The following SLC25A48 variants were observed in gnomAD, a reference collection of about 807,000 sequenced individuals.
The protein encoded by SLC25A48 is CTC-321K16.1.
SLC25A48 carries 29 observed loss-of-function variants against 32.2 expected under a neutral mutation model. The ratio of observed to expected loss-of-function variants is 0.90; its 90% CI spans 0.67 to 1.23. The LOEUF (loss-of-function observed/expected upper bound fraction) is 1.23, where lower values mean the gene tolerates loss of function less well. Among genes scored for constraint, SLC25A48 ranks in the 50% most tolerant of loss-of-function variants. The pLI, the probability that SLC25A48 is intolerant of heterozygous loss-of-function variation, is 0.00. For synonymous variants in SLC25A48, 164 were observed against 172.3 expected (o/e 0.95, Z 0.38); for missense variants, 399 against 422.7 (o/e 0.94, Z 0.49).
chr5:135,847,726 C>T (rs963005915), intron 2 of SLC25A48, among the ~76,000 whole-genome samples: 2 of 152,048 alleles, frequency 1.3e-5, no homozygotes, highest in Non-Finnish European at 2.9e-5. Flanking sequence ...AGAGGGTGAA[C>T]CCCAAAAGCT....
chr5:135,732,612 A>C (rs1755255715), intron 3 of SLC25A48, among the ~76,000 whole-genome samples: 1 of 152,202 alleles, frequency 6.6e-6, no homozygotes, highest in Admixed American at 6.5e-5. Context: ...GATTTCCACG[A>C]TGGAAAGGAA....
At chr5:135,770,840 A>G (rs957082028) in intron 3 of SLC25A48, among the ~76,000 whole-genome samples, 8 of 149,406 alleles carry the variant, frequency 5.4e-5, no homozygotes, top group Non-Finnish European at 1.5e-5. Context: ...ATATCTAGGG[A>G]AGGAGTGTAT....
intron 3 of SLC25A48, among the ~76,000 whole-genome samples, chr5:135,798,029 CG>C (rs1192856356): frequency 1.3e-5 from 2 of 151,716 alleles, no homozygotes; most frequent in African/African-American, 4.8e-5. Flanking sequence ...TACACCCTCC[CG>C]TGATATTCTT....
In SLC25A48 at chr5:135,768,138, T is replaced by TATCACAGTGGGGTGTACACCCACTGCG. The variant is rs546135262; in HGVS notation, c.-520-44382_-520-44356dup. Among the ~76,000 whole-genome samples, 525 of 142,604 alleles carry TATCACAGTGGGGTGTACACCCACTGCG rather than the reference T, an allele frequency of 3.7e-3. 2 individuals carry two copies. Among genetic ancestry groups the TATCACAGTGGGGTGTACACCCACTGCG allele is most frequent in the African/African-American group, 0.013 (494 of 38,572 alleles). 93.6% of individuals were successfully genotyped at this position (142,604 alleles called of 152,430 possible). ...GGTGAGAGAATGATATTACTCCAAA[T>TATCACAGTGGGGTGTACACCCACTGCG]ATCACAGTGGGGTGTACACCCACTG... On this transcript the variant is annotated intron_variant, in intron 3 of 10. Transcript: ENST00000646290.
chr5:135,815,749 A>C (rs188548894), intron 4 of SLC25A48, among the ~76,000 whole-genome samples: 1 of 152,300 alleles, frequency 6.6e-6, no homozygotes, highest in East Asian at 1.9e-4. Flanking sequence ...TAGTCAGTGC[A>C]CCTTCCCAGA....
intron 3 of SLC25A48, chr5:135,650,539 A>C (rs561551726): frequency 7.5e-6 from 3 of 398,022 alleles, no homozygotes; most frequent in African/African-American, 4.6e-5. Context: ...CAAAAAGTGC[A>C]GTCACTGATG....
At chr5:135,830,544 T>C (rs1758178118), upstream of SLC25A48, among the ~76,000 whole-genome samples, 1 of 152,190 alleles carries the variant, frequency 6.6e-6, no homozygotes, top group Non-Finnish European at 1.5e-5. Flanking sequence ...AGCCTCAAGC[T>C]GAACAGGTGA....
intron 2 of SLC25A48, among the ~76,000 whole-genome samples, chr5:135,631,519 A>G (rs1752570284): frequency 1.3e-5 from 2 of 152,310 alleles, no homozygotes; most frequent in Non-Finnish European, 2.9e-5. Context: ...CATTTTAGAA[A>G]GGTTTCAGGC....
At position 135,738,981 on chromosome 5, in the gene SLC25A48, T is replaced by C. The variant is rs116873624; in HGVS notation, c.-520-73542T>C. ...CCTGTAATCCTGGCTACTTGGGAGG[T>C]TGAGGAAGGAGAATCACTTAAACCC... On this transcript the variant is annotated intron_variant, in intron 3 of 10. Coordinates refer to the SLC25A48 transcript ENST00000646290. Among the ~76,000 whole-genome samples the C allele has an allele frequency of 4.7e-4, 72 of 152,056 alleles. 2 individuals carry two copies. In the East Asian group the frequency reaches 0.014, roughly 29 times the overall value.
Position 135,888,117 on chromosome 5 carries a change from A to G in SLC25A48, c.*93A>G. On this transcript the variant is annotated 3_prime_UTR_variant, in exon 8 of 8. Transcript: ENST00000681962. The stretch of plus-strand genomic sequence containing the variant: ...AGAGCTGCAGATGTTTGGCCTTTGG[A>G]CCTCCAAGTGGACATCAATTAGCAA... 6.5e-7 allele frequency: 1 copy of G among 1,548,390 alleles called. No homozygotes were observed. The highest frequency in any genetic ancestry group is 8.7e-7 in the Non-Finnish European group (1 of 1,144,572).
chr5:135,875,369 C>T (rs1761964072), intron 6 of SLC25A48: 1 of 152,218 alleles, frequency 6.6e-6, no homozygotes, highest in South Asian at 2.1e-4. Flanking sequence ...TCCTGTTTTA[C>T]TCTCTCCCCC....
intron 1 of SLC25A48, among the ~76,000 whole-genome samples, chr5:135,835,678 T>TAAAAAAAAAAAAAAAAAAA (rs35114794): frequency 2.8e-5 from 2 of 70,388 alleles, no homozygotes; most frequent in African/African-American, 1.2e-4. Flanking sequence ...TTGCTAATTG[T>TAAAAAAAAAAAAAAAAAAA]AAAAAAAAAA....
chr5:135,619,050 A>C (rs1425788858), intron 1 of SLC25A48, among the ~76,000 whole-genome samples: 5 of 152,040 alleles, frequency 3.3e-5, no homozygotes, highest in African/African-American at 7.2e-5. Flanking sequence ...GCTAGACTTG[A>C]GATATTTTCA....
chr5:135,786,738 A>T (rs539697354), intron 3 of SLC25A48, among the ~76,000 whole-genome samples: 1 of 151,974 alleles, frequency 6.6e-6, no homozygotes, highest in East Asian at 1.9e-4. Context: ...GCGAGATGTT[A>T]TATTTAATGT....
Position 135,777,784 on chromosome 5 carries a change from CGGGG to C in SLC25A48, c.-520-34730_-520-34727del, listed in dbSNP as rs55658230. On this transcript the variant is annotated intron_variant, in intron 3 of 10. Coordinates refer to the SLC25A48 transcript ENST00000646290. ...CCCCTGTGATATTATTCCTAATATC[CGGGG>C]GGGGGGGGAATGTTAATATTACTCC... Among the ~76,000 whole-genome samples, 239 of 142,434 alleles carry C rather than the reference CGGGG, an allele frequency of 1.7e-3. 1 individual carries two copies. The highest frequency in any genetic ancestry group is 5.6e-3 in the African/African-American group (214 of 38,024). The allele number at this position is 142,434 out of a possible 152,430, so 93.4% of individuals were successfully genotyped here.
chr5:135,872,543 A>T (rs2126808209), intron 5 of SLC25A48: 1 of 152,394 alleles, frequency 6.6e-6, no homozygotes, highest in South Asian at 2.1e-4. Context: ...AGGGTGTAAA[A>T]ACCTGATGAA....
intron 4 of SLC25A48, among the ~76,000 whole-genome samples, chr5:135,863,123 A>G (rs77142727): frequency 0.014 from 2,121 of 152,316 alleles, 39 homozygotes; most frequent in African/African-American, 0.045. Context: ...GCAGCAGGCC[A>G]AGCATTAGGC....
chr5:135,792,298 AGG>A (rs1311855797), intron 3 of SLC25A48, among the ~76,000 whole-genome samples: 1 of 151,718 alleles, frequency 6.6e-6, no homozygotes, highest in African/African-American at 2.4e-5. Context: ...GTAGTAAGCT[AGG>A]GGGATATTAT....
intron 3 of SLC25A48, among the ~76,000 whole-genome samples, chr5:135,714,011 A>G (rs1754736096): frequency 6.6e-6 from 1 of 152,310 alleles, no homozygotes; most frequent in Middle Eastern, 3.4e-3. Flanking sequence ...TGCGGGCGAG[A>G]TGCAAGGCAG....
Sources: gnomAD v4.1 joint callset for allele counts (sites outside exome capture counted in the v4.1 genomes callset) on GRCh38, gnomAD v4.1.1 for gene constraint, MANE v1.5 for transcripts, NCBI Gene and HGNC (gene_info 2026-07-23, HGNC 2026-07-21) for gene names.